GLIS3: variants seen among roughly 807,000 people sequenced by gnomAD.
GLIS3 encodes GLIS family zinc finger 3.
A neutral mutation model predicts 78.6 loss-of-function variants in GLIS3; 53 were observed. The observed-to-expected ratio is 0.67, with a 90% CI of 0.54 to 0.85. The LOEUF (loss-of-function observed/expected upper bound fraction) is 0.85, where lower values mean the gene tolerates loss of function less well. GLIS3 is among the 40% of genes least tolerant of loss of function. GLIS3 has a pLI of 0.00. For missense variants in GLIS3, 1,703 were observed against 1,231.1 expected, an observed-to-expected ratio of 1.38 and a Z score of -5.74; for synonymous variants, 684 against 509.9, an observed-to-expected ratio of 1.34 and a Z score of -4.60.
chr9:4,364,132 T>C, the GLIS3 span, among the ~76,000 whole-genome samples: 3 of 152,196 alleles, frequency 2.0e-5, no homozygotes, highest in Non-Finnish European at 2.9e-5. Context: ...GAATAAAATA[T>C]CCAAGGGTCT....
intron 2 of GLIS3, among the ~76,000 whole-genome samples, chr9:4,272,538 A>G (rs1186410035): frequency 5.3e-5 from 8 of 152,170 alleles, no homozygotes; most frequent in African/African-American, 1.2e-4. Context: ...CTTATTTTCA[A>G]TGGGAATACC....
chr9:4,153,224 T>C (rs764959804), intron 2 of GLIS3, among the ~76,000 whole-genome samples: 3 of 152,030 alleles, frequency 2.0e-5, no homozygotes, highest in Admixed American at 2.0e-4. Context: ...GACAATGAAT[T>C]CTAACTTGGA....
intron 6 of GLIS3, among the ~76,000 whole-genome samples, chr9:3,909,621 A>G (rs1823993963): frequency 6.6e-6 from 1 of 152,242 alleles, no homozygotes; most frequent in Admixed American, 6.5e-5. Flanking sequence ...AAATACGTGA[A>G]TGGGTACACA....
At chr9:3,855,236 T>A (rs1819690176) in intron 9 of GLIS3, among the ~76,000 whole-genome samples, 1 of 152,348 alleles carries the variant, frequency 6.6e-6, no homozygotes, top group African/African-American at 2.4e-5. Context: ...CTTAGTTCTC[T>A]ATGCATATTC....
intron 9 of GLIS3, among the ~76,000 whole-genome samples, chr9:3,851,041 A>T (rs1819400262): frequency 6.6e-6 from 1 of 152,214 alleles, no homozygotes; most frequent in African/African-American, 2.4e-5. Flanking sequence ...CATTGCACAT[A>T]GTGGGTAACC....
At chr9:4,045,700 C>T (rs1447655020) in intron 4 of GLIS3, among the ~76,000 whole-genome samples, 1 of 152,104 alleles carries the variant, frequency 6.6e-6, no homozygotes, top group African/African-American at 2.4e-5. Context: ...GCCCCAACAG[C>T]AGATGCCTGG....
the GLIS3 span, among the ~76,000 whole-genome samples, chr9:4,455,370 T>C: frequency 6.6e-6 from 1 of 152,156 alleles, no homozygotes. Context: ...AGATTATTAA[T>C]AGAGTTTATG....
At chr9:3,890,133 G>T (rs10758529) in intron 7 of GLIS3, among the ~76,000 whole-genome samples, 4 of 151,918 alleles carry the variant, frequency 2.6e-5, no homozygotes, top group Admixed American at 2.0e-4. Flanking sequence ...CATTGGCCGA[G>T]GCCATCAATC....
intron 2 of GLIS3, among the ~76,000 whole-genome samples, chr9:4,170,197 A>G (rs1428891582): frequency 6.6e-6 from 1 of 152,226 alleles, no homozygotes; most frequent in African/African-American, 2.4e-5. Flanking sequence ...CTTTTCTTGA[A>G]AATACGAGTT....
At chr9:4,375,106 C>T in the GLIS3 span, among the ~76,000 whole-genome samples, 1 of 152,314 alleles carries the variant, frequency 6.6e-6, no homozygotes, top group South Asian at 2.1e-4. Flanking sequence ...CTTATCCTGA[C>T]AGAACCCACT....
rs1314558755 is a variant in GLIS3, at chr9:3,824,341, A to G, written c.*3931T>C. On this transcript the variant is annotated 3_prime_UTR_variant, in exon 11 of 11. Coordinates refer to ENST00000381971, the MANE Select transcript of GLIS3 (RefSeq NM_001042413.2). ...ATTCCCTCCCGCATCATCTGCCTTT[A>G]ATTATAATTACCATTCCCAGTATGT... is the stretch of plus-strand genomic sequence containing the variant. 2 of 152,600 alleles carry G rather than the reference A, an allele frequency of 1.3e-5. No individual in the cohort carries two copies. The highest frequency in any genetic ancestry group is 2.9e-5 in the Non-Finnish European group (2 of 68,040). The allele number at this position is 152,600 out of a possible 1,614,324, so 9.5% of individuals were successfully genotyped here.
At chr9:4,399,846 G>A in the GLIS3 span, among the ~76,000 whole-genome samples, 1 of 152,200 alleles carries the variant, frequency 6.6e-6, no homozygotes, top group Non-Finnish European at 1.5e-5. Context: ...GCATGATGCT[G>A]TAGCTGAGAC....
the GLIS3 span, among the ~76,000 whole-genome samples, chr9:4,424,139 A>T: frequency 6.6e-6 from 1 of 152,232 alleles, no homozygotes; most frequent in East Asian, 1.9e-4. Context: ...CCATCAGTGT[A>T]AAAGTTTTTC....
At chr9:4,295,825 A>C (rs1816437683) in intron 1 of GLIS3, among the ~76,000 whole-genome samples, 1 of 152,252 alleles carries the variant, frequency 6.6e-6, no homozygotes, top group South Asian at 2.1e-4. Flanking sequence ...TAAGTGGGAA[A>C]CTACAAAAAC....
At chr9:3,942,255 A>C (rs968568647) in intron 4 of GLIS3, among the ~76,000 whole-genome samples, 17 of 152,190 alleles carry the variant, frequency 1.1e-4, no homozygotes, top group Non-Finnish European at 2.9e-5. Context: ...ATTTGAATTA[A>C]GGCTTAGTGT....
intron 4 of GLIS3, among the ~76,000 whole-genome samples, chr9:3,958,783 G>A (rs16920144): frequency 0.092 from 14,046 of 152,280 alleles, 934 homozygotes; most frequent in East Asian, 0.31. Flanking sequence ...TACTATACAG[G>A]TGGGTGTCAA....
intron 2 of GLIS3, among the ~76,000 whole-genome samples, chr9:4,205,260 C>G (rs1335326942): frequency 6.6e-6 from 1 of 151,832 alleles, no homozygotes; most frequent in Non-Finnish European, 1.5e-5. Flanking sequence ...CTCTCTCTCT[C>G]TCCTTATGTA....
Position 4,286,457 on chromosome 9 carries a change from AT to A in GLIS3, c.-33del. The stretch of plus-strand genomic sequence containing the variant: ...AAACCTGTGGCCAAGACGGTCAAAT[AT>A]CCAATGTCACTAATGACTCCTTTCA... On this transcript the variant is annotated 5_prime_UTR_variant, in exon 2 of 11. Coordinates refer to ENST00000381971, the MANE Select transcript of GLIS3 (RefSeq NM_001042413.2). 1.2e-6 allele frequency: 2 copies of A among 1,612,216 alleles called. No homozygotes were observed. Among genetic ancestry groups the A allele is most frequent in the Non-Finnish European group, 1.7e-6 (2 of 1,179,870 alleles).
chr9:4,109,649 T>A (rs919372936), intron 4 of GLIS3, among the ~76,000 whole-genome samples: 9 of 152,204 alleles, frequency 5.9e-5, no homozygotes, highest in Non-Finnish European at 1.2e-4. Flanking sequence ...TCCTAAGATA[T>A]TTTTTATTGA....
Sources: allele counts gnomAD v4.1 joint callset (sites outside exome capture counted in the v4.1 genomes callset), GRCh38; gene constraint gnomAD v4.1.1; transcripts MANE v1.5; gene names NCBI Gene and HGNC (gene_info 2026-07-23, HGNC 2026-07-21).